Variants in SUFU observed in about 807,000 individuals in gnomAD.
The protein encoded by SUFU is SUFU negative regulator of hedgehog signaling, also known as suppressor of fused homolog.
SUFU carries 7 observed loss-of-function variants against 58.9 expected under a neutral mutation model. The observed-to-expected ratio is 0.12, with a 90% confidence interval of 0.07 to 0.22. The LOEUF (loss-of-function observed/expected upper bound fraction) is 0.22. Among genes scored for constraint, SUFU ranks in the 10% least tolerant of loss-of-function variants. SUFU has a pLI of 1.00. For synonymous variants in SUFU, 232 were observed against 254.8 expected (o/e 0.91, Z 0.85); for missense variants, 451 against 641.3 (o/e 0.70, Z 3.20).
At chr10:102,601,731 C>T (rs898472871) in intron 8 of SUFU, among the ~76,000 whole-genome samples, 5 of 152,276 alleles carry the variant, frequency 3.3e-5, no homozygotes, top group East Asian at 1.9e-4. Flanking sequence ...GTGAGCGTGA[C>T]GGTAATATCT....
intron 2 of SUFU, among the ~76,000 whole-genome samples, chr10:102,524,664 T>C (rs2062589710): frequency 6.6e-6 from 1 of 152,230 alleles, no homozygotes; most frequent in Admixed American, 6.5e-5. Context: ...ATGTCTATTA[T>C]GCTTTAAGAA....
intron 2 of SUFU, among the ~76,000 whole-genome samples, chr10:102,521,788 C>A (rs2062555065): frequency 6.6e-6 from 1 of 152,148 alleles, no homozygotes; most frequent in African/African-American, 2.4e-5. Context: ...CTGGCCTGGC[C>A]TTTTGCTGTT....
rs528718574 is a variant in SUFU at position 102,617,059 on chromosome 10, A to G, written c.1158-231A>G. On this transcript the variant is annotated intron_variant, in intron 9 of 11. Coordinates refer to ENST00000369902, the MANE Select transcript of SUFU (RefSeq NM_016169.4). The surrounding 1 kb of genome is among the most constrained non-coding windows in gnomAD (Gnocchi z 4.4). Reference sequence around the variant, plus strand: ...TCAGTGTTTTCTGCTAGCTTTGAGCACTTTGGAAGGATGATGTTAGAGAAC... The same window carrying G: ...TCAGTGTTTTCTGCTAGCTTTGAGCGCTTTGGAAGGATGATGTTAGAGAAC... Among the ~76,000 whole-genome samples the G allele has an allele frequency of 6.2e-4, 95 of 152,342 alleles. No individual in the cohort carries two copies. Among genetic ancestry groups the G allele is most frequent in the African/African-American group, 2.2e-3 (92 of 41,576 alleles).
In SUFU at chr10:102,534,766, TG is replaced by T. The variant is rs1424601169; in HGVS notation, c.318-15201del. Among the ~76,000 whole-genome samples, 38 of 152,170 alleles carry T rather than the reference TG, an allele frequency of 2.5e-4. 1 individual carries two copies. Among genetic ancestry groups the T allele is most frequent in the Admixed American group, 2.5e-3 (38 of 15,260 alleles). On this transcript the variant is annotated intron_variant, in intron 2 of 11. Transcript: ENST00000369902. ...TCCTTGGACTTGCTTGGCATTGCCC[TG>T]GGATACAGAGAGATTGTAGAGAAGC...
At chr10:102,535,705 G>A (rs533647781) in intron 2 of SUFU, among the ~76,000 whole-genome samples, 27 of 152,224 alleles carry the variant, frequency 1.8e-4, no homozygotes, top group African/African-American at 6.5e-4. Flanking sequence ...TGCAGGGTCA[G>A]TAGCCACCGT....
chr10:102,577,016 TC>T (rs1274898760), intron 3 of SUFU, among the ~76,000 whole-genome samples: 1 of 151,994 alleles, frequency 6.6e-6, no homozygotes, highest in African/African-American at 2.4e-5. Context: ...GGGTTTTCAT[TC>T]CTGATTTAAC....
intron 3 of SUFU, among the ~76,000 whole-genome samples, chr10:102,568,874 CAAAAAAAAAAA>C (rs59877393): frequency 3.4e-4 from 5 of 14,542 alleles, no homozygotes; most frequent in Non-Finnish European, 5.7e-4. Flanking sequence ...AACTCTGTCT[CAAAAAAAAAAA>C]AAAAAAAAAA....
At chr10:102,607,922 A>T (rs531483787) in intron 8 of SUFU, among the ~76,000 whole-genome samples, 18 of 151,630 alleles carry the variant, frequency 1.2e-4, no homozygotes, top group African/African-American at 4.1e-4. Context: ...AACAAAAAAA[A>T]AAAGAAAAGA....
Position 102,630,280 on chromosome 10 carries a change from C to A in SUFU, c.*125C>A. ...CAAGTGTGAGGAAGACTGCGCAGTG[C>A]CACCCCGCAGCCCAGTGGGGTGCCA... On this transcript the variant is annotated 3_prime_UTR_variant, in exon 12 of 12. Transcript: ENST00000369902. 2 of 874,014 alleles carry A rather than the reference C, an allele frequency of 2.3e-6. No individual in the cohort carries two copies. The highest frequency in any genetic ancestry group is 3.7e-6 in the Non-Finnish European group (2 of 541,310). The allele number at this position is 874,014 out of a possible 1,614,324, so 54.1% of individuals were successfully genotyped here. A position where few individuals can be genotyped will look rare whatever the true frequency, so the allele number is the denominator to read the frequency against.
In SUFU at chr10:102,565,252, G is replaced by A. The variant is rs557334344; in HGVS notation, c.454+15146G>A. Reference sequence around the variant, plus strand: ...TGGCCGTTCACTGCAAAAGTCGGCCGACAACTGACTTAGAGAATGTTTTCC... The same window carrying A: ...TGGCCGTTCACTGCAAAAGTCGGCCAACAACTGACTTAGAGAATGTTTTCC... On this transcript the variant is annotated intron_variant, in intron 3 of 11. Coordinates refer to ENST00000369902, the MANE Select transcript of SUFU (RefSeq NM_016169.4). Among the ~76,000 whole-genome samples, 39 of 152,284 alleles carry A rather than the reference G, an allele frequency of 2.6e-4. 1 individual carries two copies. The South Asian group carries it at 5.6e-3, about 22-fold the overall frequency.
chr10:102,516,125 C>CT (rs60544094), intron 2 of SUFU, among the ~76,000 whole-genome samples: 6,912 of 125,450 alleles, frequency 0.055, 671 homozygotes, highest in African/African-American at 0.19. Flanking sequence ...TCTTTCTTTT[C>CT]TTTTTTTTTT....
At chr10:102,529,157 C>T (rs572818709) in intron 2 of SUFU, among the ~76,000 whole-genome samples, 15 of 152,196 alleles carry the variant, frequency 9.9e-5, no homozygotes, top group African/African-American at 3.4e-4. Context: ...TGTCACCCAA[C>T]ACCATTTTCA....
At chr10:102,515,524 C>T (rs1022268915) in intron 2 of SUFU, among the ~76,000 whole-genome samples, 15 of 152,152 alleles carry the variant, frequency 9.9e-5, no homozygotes, top group South Asian at 8.3e-4. Context: ...CCATGTTGGC[C>T]GGGCTGGTCT....
chr10:102,523,990 C>T (rs2062579338), intron 2 of SUFU, among the ~76,000 whole-genome samples: 2 of 152,224 alleles, frequency 1.3e-5, no homozygotes, highest in African/African-American at 4.8e-5. Context: ...TGCACTTACT[C>T]TCCCTATGCC....
intron 3 of SUFU, among the ~76,000 whole-genome samples, chr10:102,576,760 T>C (rs2063215844): frequency 6.6e-6 from 1 of 152,168 alleles, no homozygotes; most frequent in Admixed American, 6.5e-5. Context: ...CAGGTTGGAG[T>C]GCAATGGTAC....
intron 2 of SUFU, among the ~76,000 whole-genome samples, chr10:102,517,249 C>G (rs188910792): frequency 1.3e-5 from 2 of 152,112 alleles, no homozygotes; most frequent in Non-Finnish European, 2.9e-5. Context: ...GATCTCGCCA[C>G]TGCACTCCAG....
intron 8 of SUFU, among the ~76,000 whole-genome samples, chr10:102,612,585 A>G (rs1244539737): frequency 6.6e-6 from 1 of 151,600 alleles, no homozygotes; most frequent in African/African-American, 2.4e-5. Context: ...GCAAGCCCCC[A>G]CCCCACCTCC....
rs1265012285 is a variant in SUFU, at chr10:102,615,366, A to G, written c.1121A>G (p.Asn374Ser). The G allele has an allele frequency of 2.1e-5, 34 of 1,613,972 alleles. No homozygotes were observed. The Admixed American group carries it at 4.3e-4, about 21-fold the overall frequency. The change falls in exon 9 of 12, where the codon AAC becomes AGC. Residue 374 changes from asparagine (N) to serine (S), a missense_variant. Transcript: ENST00000369902. ...RQLESVHLKF[N>S]QESGALIPLC... is the part of the protein sequence containing the mutation. ...CTTGAGAGCGTACATCTGAAATTCA[A>G]CCAGGAGTCCGGAGCCCTCATTCCT... is the stretch of plus-strand genomic sequence containing the variant.
intron 2 of SUFU, among the ~76,000 whole-genome samples, chr10:102,533,687 AACAG>A (rs2062703177): frequency 6.6e-6 from 1 of 152,332 alleles, no homozygotes; most frequent in African/African-American, 2.4e-5. Flanking sequence ...AGTGAGCAAC[AACAG>A]ACAAATTCTC....
Sources: allele counts gnomAD v4.1 joint callset (sites outside exome capture counted in the v4.1 genomes callset), GRCh38; gene constraint gnomAD v4.1.1; non-coding constraint Gnocchi (gnomAD v3.1); transcripts MANE v1.5; gene names NCBI Gene and HGNC (gene_info 2026-07-23, HGNC 2026-07-21).